Variants in TMEM117 observed in about 807,000 individuals in gnomAD.
TMEM117 encodes the protein transmembrane protein 117.
Under a neutral mutation model 52.4 loss-of-function variants are expected in TMEM117, and 27 were observed. The observed-to-expected ratio is 0.51, with a 90% CI of 0.38 to 0.71. The LOEUF (loss-of-function observed/expected upper bound fraction) is 0.71. Ranked by LOEUF, TMEM117 falls within the 30% of genes least tolerant of loss-of-function variation. The pLI, the probability that TMEM117 is intolerant of heterozygous loss-of-function variation, is 0.00. For missense variants in TMEM117, 556 were observed against 630.5 expected (o/e 0.88, Z 1.26); for synonymous variants, 215 against 206.3 (o/e 1.04, Z -0.36).
chr12:43,933,409 G>T (rs1308614127), intron 2 of TMEM117, among the ~76,000 whole-genome samples: 1 of 151,816 alleles, frequency 6.6e-6, no homozygotes, highest in South Asian at 2.1e-4. Context: ...CACCGTGTTT[G>T]CCAGGATGGT....
At chr12:44,295,417 C>G (rs1029091753) in intron 5 of TMEM117, among the ~76,000 whole-genome samples, 1 of 152,070 alleles carries the variant, frequency 6.6e-6, no homozygotes, top group Non-Finnish European at 1.5e-5. Flanking sequence ...CTGTGTTGCC[C>G]AGGCTGGTCT....
At chr12:44,312,336 C>G (rs1315330365) in intron 6 of TMEM117, among the ~76,000 whole-genome samples, 1 of 152,044 alleles carries the variant, frequency 6.6e-6, no homozygotes, top group Non-Finnish European at 1.5e-5. Flanking sequence ...TGTTTAGCTC[C>G]CACTTATAAG....
chr12:44,187,573 C>T (rs903625711), intron 4 of TMEM117, among the ~76,000 whole-genome samples: 2 of 152,120 alleles, frequency 1.3e-5, no homozygotes, highest in African/African-American at 4.8e-5. Context: ...GATGGGATCT[C>T]TAACCTGGAG....
intron 4 of TMEM117, among the ~76,000 whole-genome samples, chr12:44,162,766 A>G (rs928336847): frequency 2.0e-5 from 3 of 152,200 alleles, no homozygotes; most frequent in Non-Finnish European, 2.9e-5. Flanking sequence ...CCTCCATTTC[A>G]TAAAAGTAGA....
intron 3 of TMEM117, among the ~76,000 whole-genome samples, chr12:43,955,646 G>A (rs558471752): frequency 1.3e-5 from 2 of 152,138 alleles, no homozygotes; most frequent in East Asian, 3.9e-4. Context: ...AAAGGACACA[G>A]GCAGATGGAA....
the TMEM117 span, chr12:43,806,158 C>CCTCCCGGCT: frequency 0.094 from 144,864 of 1,534,204 alleles, 7,267 homozygotes; most frequent in African/African-American, 0.14. Flanking sequence ...GTCCTGCAGC[C>CCTCCCGGCT]CTCCCGGCTC....
chr12:43,907,846 T>A, intron 2 of TMEM117, among the ~76,000 whole-genome samples: 1 of 126,460 alleles, frequency 7.9e-6, no homozygotes, highest in East Asian at 2.7e-4. Context: ...TGGGACTATG[T>A]GAAAAGACCA....
chr12:44,206,271 G>A (rs190353843), intron 4 of TMEM117, among the ~76,000 whole-genome samples: 2 of 152,258 alleles, frequency 1.3e-5, no homozygotes, highest in East Asian at 1.9e-4. Context: ...TATTGTTTGT[G>A]GTTTAGGAAT....
rs34633299 is a variant in TMEM117 at position 44,332,712 on chromosome 12, T to TACACACAC, written c.768+33003_768+33010dup. ...AACAAATTAAACAAACTACTGTTAC[T>TACACACAC]ACACACACACACACACACACACACA... On this transcript the variant is annotated intron_variant, in intron 6 of 7. Transcript: ENST00000266534. 9.8e-3 allele frequency among the ~76,000 whole-genome samples: 1,407 copies of TACACACAC among 143,230 alleles called. 7 individuals are homozygous for TACACACAC. Among genetic ancestry groups the TACACACAC allele is most frequent in the Non-Finnish European group, 0.012 (785 of 64,762 alleles). 94.0% of individuals were successfully genotyped at this position (143,230 alleles called of 152,430 possible). A position where few individuals can be genotyped will look rare whatever the true frequency, so the allele number is the denominator to read the frequency against.
chr12:43,876,834 A>C (rs1399789496), intron 2 of TMEM117, among the ~76,000 whole-genome samples: 1 of 152,242 alleles, frequency 6.6e-6, no homozygotes, highest in Non-Finnish European at 1.5e-5. Context: ...AAAATACTAT[A>C]TAGAAATAAG....
chr12:44,337,478 G>A (rs1006060215), intron 6 of TMEM117, among the ~76,000 whole-genome samples: 7 of 152,012 alleles, frequency 4.6e-5, no homozygotes, highest in Non-Finnish European at 8.8e-5. Context: ...CATTGGTCAG[G>A]TAAGAATGTC....
At chr12:44,384,954 C>T (rs1055207354) in intron 7 of TMEM117, among the ~76,000 whole-genome samples, 2 of 152,102 alleles carry the variant, frequency 1.3e-5, no homozygotes, top group Non-Finnish European at 2.9e-5. Context: ...CTCCATTTCA[C>T]AGAATAAAAA....
chr12:44,307,372 A>T (rs924561625), intron 6 of TMEM117, among the ~76,000 whole-genome samples: 17 of 152,172 alleles, frequency 1.1e-4, no homozygotes, highest in African/African-American at 3.6e-4. Context: ...GAGCTTTGGG[A>T]GTATTTTCTA....
intron 3 of TMEM117, among the ~76,000 whole-genome samples, chr12:43,968,893 T>C (rs1410126333): frequency 2.0e-5 from 3 of 152,210 alleles, no homozygotes; most frequent in Admixed American, 2.0e-4. Context: ...ATAATTCTTA[T>C]TAAAATCACT....
the TMEM117 span, among the ~76,000 whole-genome samples, chr12:43,811,624 G>A: frequency 6.6e-6 from 1 of 152,214 alleles, no homozygotes; most frequent in Non-Finnish European, 1.5e-5. Context: ...TTGGTTCATA[G>A]AGTGAAATCT....
At chr12:43,889,571 T>C (rs1944064529) in intron 2 of TMEM117, among the ~76,000 whole-genome samples, 2 of 152,236 alleles carry the variant, frequency 1.3e-5, no homozygotes, top group Non-Finnish European at 2.9e-5. Flanking sequence ...CCTGTACCAG[T>C]CTGCGACCCA....
chr12:44,165,459 C>A (rs1212402388), intron 4 of TMEM117, among the ~76,000 whole-genome samples: 1 of 152,102 alleles, frequency 6.6e-6, no homozygotes, highest in Admixed American at 6.6e-5. Flanking sequence ...ATAACATGAC[C>A]AAACTATATG....
rs549610087 is a variant in TMEM117, at chr12:44,007,683, T to C, written c.410+63341T>C. ...AATTGTAACTCCTACAATTCCCATG[T>C]GTAGTGGGAGGGACCCAGTGGGAGG... On this transcript the variant is annotated intron_variant, in intron 3 of 7. Transcript: ENST00000266534. 1.4e-4 allele frequency among the ~76,000 whole-genome samples: 22 copies of C among 152,224 alleles called. No homozygotes were observed. The East Asian group carries it at 3.5e-3, about 24-fold the overall frequency.
intron 3 of TMEM117, among the ~76,000 whole-genome samples, chr12:44,042,810 T>G (rs1008750797): frequency 1.6e-5 from 2 of 126,386 alleles, no homozygotes; most frequent in South Asian, 2.4e-4. Flanking sequence ...ACACACACAC[T>G]TATTAGTTCT....
Sources: allele counts gnomAD v4.1 joint callset (sites outside exome capture counted in the v4.1 genomes callset), GRCh38; gene constraint gnomAD v4.1.1; transcripts MANE v1.5; gene names NCBI Gene and HGNC (gene_info 2026-07-23, HGNC 2026-07-21).